INSYN1: variants seen among roughly 807,000 people sequenced by gnomAD.
INSYN1 encodes UPF0583 protein C15orf59.
Under a neutral mutation model 17.1 loss-of-function variants are expected in INSYN1, and 7 were observed. The ratio of observed to expected loss-of-function variants is 0.41; its 90% CI spans 0.23 to 0.77. INSYN1 has a LOEUF of 0.77. INSYN1 is among the 30% of genes least tolerant of loss of function. INSYN1 has a pLI of 0.32. For synonymous variants in INSYN1, 174 were observed against 166.3 expected, an observed-to-expected ratio of 1.05 and a Z score of -0.36; for missense variants, 339 against 400.6, an observed-to-expected ratio of 0.85 and a Z score of 1.31.
At chr15:73,750,370 A>G (rs1225924022) in intron 2 of INSYN1, among the ~76,000 whole-genome samples, 1 of 151,920 alleles carries the variant, frequency 6.6e-6, no homozygotes, top group Non-Finnish European at 1.5e-5. Flanking sequence ...CTTAGGGAAG[A>G]CTCCTGCCCC....
At chr15:73,749,914 C>T (rs1901935065) in intron 2 of INSYN1, among the ~76,000 whole-genome samples, 1 of 152,192 alleles carries the variant, frequency 6.6e-6, no homozygotes, top group Non-Finnish European at 1.5e-5. Context: ...GGCCAGGCTG[C>T]AATGCCACTT....
intron 2 of INSYN1, among the ~76,000 whole-genome samples, chr15:73,746,398 T>C (rs1420544933): frequency 6.6e-6 from 1 of 152,194 alleles, no homozygotes; most frequent in African/African-American, 2.4e-5. Context: ...GTGATGGAGC[T>C]GACCCACTTT....
intron 2 of INSYN1, among the ~76,000 whole-genome samples, chr15:73,750,039 A>C (rs568306696): frequency 6.6e-6 from 1 of 151,198 alleles, no homozygotes; most frequent in South Asian, 2.1e-4. Flanking sequence ...CAATTCAATC[A>C]CTCTCCCTGC....
At chr15:73,741,911 G>A (rs1418022425) in intron 2 of INSYN1, among the ~76,000 whole-genome samples, 1 of 152,230 alleles carries the variant, frequency 6.6e-6, no homozygotes, top group African/African-American at 2.4e-5. Context: ...TGAGAGGAAA[G>A]CAAGGACAAA....
chr15:73,747,432 A>T (rs999606173), intron 2 of INSYN1, among the ~76,000 whole-genome samples: 2 of 152,332 alleles, frequency 1.3e-5, no homozygotes, highest in African/African-American at 4.8e-5. Context: ...CCGTACGTGG[A>T]GCTGAGGAGC....
intron 2 of INSYN1, among the ~76,000 whole-genome samples, chr15:73,741,864 TATTTG>T (rs1901699998): frequency 6.6e-6 from 1 of 152,150 alleles, no homozygotes; most frequent in African/African-American, 2.4e-5. Context: ...GATGTGCTAG[TATTTG>T]GCAAGGAGTG....
In INSYN1 at chr15:73,737,616, A is replaced by G. The variant is rs956042552; in HGVS notation, c.*2301T>C. The G allele has an allele frequency of 6.6e-6, 1 of 152,292 alleles. No homozygotes were observed. Among genetic ancestry groups the G allele is most frequent in the African/African-American group, 2.4e-5 (1 of 41,466 alleles). The allele number at this position is 152,292 out of a possible 1,614,324, so 9.4% of individuals were successfully genotyped here. ...ACCCTGGCTAACTCTTTAGGGCTCC[A>G]ATCTCACCATGAGCTTGAGGAATAA... On this transcript the variant is annotated 3_prime_UTR_variant, in exon 3 of 3. Coordinates refer to ENST00000569673, the MANE Select transcript of INSYN1 (RefSeq NM_001039614.3).
At chr15:73,745,370 T>G (rs1275409929) in intron 2 of INSYN1, among the ~76,000 whole-genome samples, 1 of 151,990 alleles carries the variant, frequency 6.6e-6, no homozygotes, top group Non-Finnish European at 1.5e-5. Flanking sequence ...TGACACGCCC[T>G]CCCTCCTTTC....
At chr15:73,750,699 C>G (rs1901953477) in intron 2 of INSYN1, among the ~76,000 whole-genome samples, 1 of 152,188 alleles carries the variant, frequency 6.6e-6, no homozygotes, top group Admixed American at 6.5e-5. Flanking sequence ...TACTGGCCAT[C>G]TTGGCAGCCC....
At position 73,752,387 on chromosome 15, in the gene INSYN1, G is replaced by A. The variant is rs1449379225; in HGVS notation, c.-845C>T. On this transcript the variant is annotated 5_prime_UTR_variant, in exon 1 of 3. Transcript: ENST00000569673. The surrounding 1 kb of genome is among the most constrained non-coding windows in gnomAD (Gnocchi z 5.2). Reference sequence around the variant, plus strand: ...GAGGGTCCGGCAGATTTGGGGCTCCGAGGCCACAGGTGACCGGGGCGCGGG... The same window carrying A: ...GAGGGTCCGGCAGATTTGGGGCTCCAAGGCCACAGGTGACCGGGGCGCGGG... 6.6e-6 allele frequency: 1 copy of A among 152,236 alleles called. No individual in the cohort carries two copies. The highest frequency in any genetic ancestry group is 1.5e-5 in the Non-Finnish European group (1 of 68,090). The allele number at this position is 152,236 out of a possible 1,614,324, so 9.4% of individuals were successfully genotyped here. A position where few individuals can be genotyped will look rare whatever the true frequency, so the allele number is the denominator to read the frequency against.
chr15:73,746,337 G>A (rs1456645095), intron 2 of INSYN1, among the ~76,000 whole-genome samples: 8 of 152,100 alleles, frequency 5.3e-5, no homozygotes, highest in East Asian at 1.9e-4. Context: ...AAAGGAAGGC[G>A]TGAACAAAAA....
rs1901527653 is a variant in INSYN1, at chr15:73,736,376, G to A, written c.*3541C>T. The A allele has an allele frequency of 6.6e-6, 1 of 152,006 alleles. No homozygotes were observed. The highest frequency in any genetic ancestry group is 2.4e-5 in the African/African-American group (1 of 41,354). 9.4% of individuals were successfully genotyped at this position (152,006 alleles called of 1,614,324 possible). On this transcript the variant is annotated 3_prime_UTR_variant, in exon 3 of 3. Coordinates refer to ENST00000569673, the MANE Select transcript of INSYN1 (RefSeq NM_001039614.3). ...AGGCCAAGGCAGGTGGATCATCGGA[G>A]GTCAGGAGTTCAAAGATGAGGCTGG... is the stretch of plus-strand genomic sequence containing the variant.
At position 73,738,666 on chromosome 15, in the gene INSYN1, G is replaced by C. The variant is rs985379203; in HGVS notation, c.*1251C>G. The stretch of plus-strand genomic sequence containing the variant: ...CCACTGCACTCCAGCCTGGGTGACA[G>C]AGCGAGACTCCATCTCAAAAATAAA... On this transcript the variant is annotated 3_prime_UTR_variant, in exon 3 of 3. Coordinates refer to ENST00000569673, the MANE Select transcript of INSYN1 (RefSeq NM_001039614.3). 6.6e-6 allele frequency: 1 copy of C among 152,052 alleles called. No homozygotes were observed. The highest frequency in any genetic ancestry group is 6.6e-5 in the Admixed American group (1 of 15,256). 9.4% of individuals were successfully genotyped at this position (152,052 alleles called of 1,614,324 possible).
Position 73,738,049 on chromosome 15 carries a change from A to T in INSYN1, c.*1868T>A, listed in dbSNP as rs958189694. On this transcript the variant is annotated 3_prime_UTR_variant, in exon 3 of 3. Coordinates refer to ENST00000569673, the MANE Select transcript of INSYN1 (RefSeq NM_001039614.3). The stretch of plus-strand genomic sequence containing the variant: ...TGGAGGTGTCTTCTTTGGCCATCCC[A>T]CTCAAAGCCCCTGTGCCCTGGAAAT... 7.2e-5 allele frequency: 11 copies of T among 152,190 alleles called. No homozygotes were observed. The highest frequency in any genetic ancestry group is 2.7e-4 in the African/African-American group (11 of 41,424). 9.4% of individuals were successfully genotyped at this position (152,190 alleles called of 1,614,324 possible). A position where few individuals can be genotyped will look rare whatever the true frequency, so the allele number is the denominator to read the frequency against.
rs151337601 is a variant in INSYN1 at position 73,740,004 on chromosome 15, G to C, written c.795C>G (p.Asn265Lys). ...APEQTRRVTR[N>K]SSTQTVSDKS... The stretch of plus-strand genomic sequence containing the variant: ...TGTCTGACACTGTCTGGGTGCTGCT[G>C]TTCCTCGTGACCCTTCGAGTCTGTT... The change falls in exon 3 of 3, where the codon AAC (asparagine) becomes AAG (lysine). Residue 265 changes from asparagine (N) to lysine (K), a missense_variant. Transcript: ENST00000569673. 1.1e-5 allele frequency: 17 copies of C among 1,613,368 alleles called. No individual in the cohort carries two copies. In the African/African-American group the frequency reaches 2.0e-4, roughly 19 times the overall value.
rs545176453 is a variant in INSYN1 at position 73,752,669 on chromosome 15, C to G, written c.-1127G>C. The G allele has an allele frequency of 6.6e-6, 1 of 152,170 alleles. No individual in the cohort carries two copies. The highest frequency in any genetic ancestry group is 2.0e-4 in the East Asian group (1 of 5,110). The allele number at this position is 152,170 out of a possible 1,614,324, so 9.4% of individuals were successfully genotyped here. A position where few individuals can be genotyped will look rare whatever the true frequency, so the allele number is the denominator to read the frequency against. ...CCCAGAACGTCCGTGCCCCGGCACCCGCGGCGTCCGGAGCGGCCGCGAGGG... is the reference window on the plus strand; with the variant it reads ...CCCAGAACGTCCGTGCCCCGGCACCGGCGGCGTCCGGAGCGGCCGCGAGGG... On this transcript the variant is annotated 5_prime_UTR_variant, in exon 1 of 3. Transcript: ENST00000569673. This position sits in a 1 kb window ranked among gnomAD's most constrained non-coding sequence, Gnocchi z 5.2.
intron 2 of INSYN1, among the ~76,000 whole-genome samples, chr15:73,744,883 G>C (rs1329152780): frequency 1.3e-5 from 2 of 151,338 alleles, no homozygotes; most frequent in African/African-American, 4.8e-5. Flanking sequence ...CAGAGACTGG[G>C]AGGAGCTGAG....
rs1419350829 is a variant in INSYN1 at position 73,739,896 on chromosome 15, C to T, written c.*21G>A. ...ATTTATAGCTCTATGTGCCCACCGCCCCCGGCCCCCTCCCCGGCCCCTAGT... is the reference window on the plus strand; with the variant it reads ...ATTTATAGCTCTATGTGCCCACCGCTCCCGGCCCCCTCCCCGGCCCCTAGT... On this transcript the variant is annotated 3_prime_UTR_variant, in exon 3 of 3. Coordinates refer to ENST00000569673, the MANE Select transcript of INSYN1 (RefSeq NM_001039614.3). 1.8e-6 allele frequency: 2 copies of T among 1,112,942 alleles called. No individual in the cohort carries two copies. Among genetic ancestry groups the T allele is most frequent in the Non-Finnish European group, 1.3e-6 (1 of 752,582 alleles). The allele number at this position is 1,112,942 out of a possible 1,614,324, so 68.9% of individuals were successfully genotyped here.
intron 2 of INSYN1, among the ~76,000 whole-genome samples, chr15:73,743,855 A>AAAAAAT (rs66656660): frequency 1.0e-5 from 1 of 97,908 alleles, no homozygotes; most frequent in Non-Finnish European, 2.0e-5. Context: ...AAAAAAAAAA[A>AAAAAAT]AAAGAAAGAA....
Sources: gnomAD v4.1 joint callset for allele counts (sites outside exome capture counted in the v4.1 genomes callset) on GRCh38, gnomAD v4.1.1 for gene constraint, Gnocchi (gnomAD v3.1) non-coding constraint, MANE v1.5 for transcripts, NCBI Gene and HGNC (gene_info 2026-07-23, HGNC 2026-07-21) for gene names.